RHOJ: variants seen among roughly 807,000 people sequenced by gnomAD.
RHOJ encodes ras homolog family member J.
In RHOJ, 11 loss-of-function variants were observed where a neutral mutation model predicts 23.4. That is an observed-to-expected ratio of 0.47 (90% CI 0.30 to 0.78). RHOJ has a LOEUF of 0.78. RHOJ is among the 30% of genes least tolerant of loss of function. The pLI is 0.08. For synonymous variants in RHOJ, 102 were observed against 102.7 expected (o/e 0.99, Z 0.04); for missense variants, 254 against 273.4 (o/e 0.93, Z 0.50).
chr14:63,219,385 T>C (rs1002195873), intron 1 of RHOJ, among the ~76,000 whole-genome samples: 1 of 152,210 alleles, frequency 6.6e-6, no homozygotes, highest in South Asian at 2.1e-4. Flanking sequence ...GAGGATTTAA[T>C]GCACTTTTTT....
chr14:63,289,383 T>C (rs1165640282), intron 4 of RHOJ, among the ~76,000 whole-genome samples: 1 of 152,190 alleles, frequency 6.6e-6, no homozygotes, highest in Non-Finnish European at 1.5e-5. Context: ...ACTTTATCAT[T>C]TACATAAGCT....
chr14:63,266,983 C>T (rs1270409647), intron 1 of RHOJ, among the ~76,000 whole-genome samples: 2 of 152,172 alleles, frequency 1.3e-5, no homozygotes, highest in East Asian at 3.8e-4. Flanking sequence ...CCTCACACTA[C>T]CCCTGACACA....
intron 1 of RHOJ, among the ~76,000 whole-genome samples, chr14:63,264,126 A>G (rs1895323699): frequency 1.3e-5 from 2 of 152,036 alleles, no homozygotes; most frequent in South Asian, 2.1e-4. Context: ...ATACCCAGGT[A>G]GTAAGCATAG....
chr14:63,275,860 G>GA (rs1014131461), intron 2 of RHOJ, among the ~76,000 whole-genome samples: 2 of 152,016 alleles, frequency 1.3e-5, no homozygotes, highest in Non-Finnish European at 2.9e-5. Flanking sequence ...GCTCCCTTGT[G>GA]AAAAAATATT....
chr14:63,250,719 T>C (rs1324786641), intron 1 of RHOJ, among the ~76,000 whole-genome samples: 2 of 152,164 alleles, frequency 1.3e-5, no homozygotes, highest in Non-Finnish European at 1.5e-5. Context: ...AAAGGGGTTG[T>C]CCCTGACCCC....
intron 1 of RHOJ, among the ~76,000 whole-genome samples, chr14:63,247,307 G>A (rs1380804511): frequency 6.6e-6 from 1 of 152,132 alleles, no homozygotes; most frequent in South Asian, 2.1e-4. Context: ...CACCTCCAGT[G>A]GTGTTTCCCT....
At chr14:63,250,429 G>A (rs949271444) in intron 1 of RHOJ, among the ~76,000 whole-genome samples, 1 of 152,016 alleles carries the variant, frequency 6.6e-6, no homozygotes, top group Non-Finnish European at 1.5e-5. Flanking sequence ...TGTAGAGATA[G>A]GGTTTTGCCA....
intron 4 of RHOJ, among the ~76,000 whole-genome samples, chr14:63,287,096 C>T (rs576162104): frequency 1.3e-5 from 2 of 152,352 alleles, no homozygotes; most frequent in Middle Eastern, 3.4e-3. Context: ...TCTCCATTTA[C>T]AGGACATGCC....
chr14:63,271,738 G>A (rs1198570384), intron 2 of RHOJ, among the ~76,000 whole-genome samples: 1 of 152,146 alleles, frequency 6.6e-6, no homozygotes, highest in Non-Finnish European at 1.5e-5. Context: ...GGGATTACAG[G>A]CACCTGCCAC....
chr14:63,260,244 A>G (rs1279695438), intron 1 of RHOJ, among the ~76,000 whole-genome samples: 2 of 152,228 alleles, frequency 1.3e-5, no homozygotes, highest in Non-Finnish European at 2.9e-5. Context: ...GAAAGCAAGT[A>G]TAGGTAGAGC....
chr14:63,264,035 A>G (rs1225082469), intron 1 of RHOJ, among the ~76,000 whole-genome samples: 1 of 151,254 alleles, frequency 6.6e-6, no homozygotes, highest in Non-Finnish European at 1.5e-5. Flanking sequence ...GTACATCTGT[A>G]GGTTTGTTCC....
intron 1 of RHOJ, among the ~76,000 whole-genome samples, chr14:63,250,603 TAC>T (rs1157682232): frequency 1.7e-4 from 26 of 151,750 alleles, no homozygotes. Context: ...TGTCCCCCCA[TAC>T]ACACACACAC....
chr14:63,211,692 A>T (rs1306093199), intron 1 of RHOJ, among the ~76,000 whole-genome samples: 1 of 152,220 alleles, frequency 6.6e-6, no homozygotes, highest in Non-Finnish European at 1.5e-5. Context: ...CTGTTGTGCT[A>T]CTGAATACTA....
At chr14:63,213,094 A>G (rs552086118) in intron 1 of RHOJ, among the ~76,000 whole-genome samples, 5 of 152,360 alleles carry the variant, frequency 3.3e-5, no homozygotes, top group Admixed American at 6.5e-5. Flanking sequence ...GCTAAAATAT[A>G]TAAGGGTTCA....
chr14:63,232,868 T>C (rs1020534444), intron 1 of RHOJ, among the ~76,000 whole-genome samples: 1 of 152,006 alleles, frequency 6.6e-6, no homozygotes, highest in Non-Finnish European at 1.5e-5. Flanking sequence ...GGCTAATTTT[T>C]GTGTTTTTGC....
intron 4 of RHOJ, among the ~76,000 whole-genome samples, 179 bp from the exon 5 acceptor site, chr14:63,290,699 T>A (rs879905776): frequency 1.3e-3 from 124 of 92,694 alleles, no homozygotes; most frequent in Middle Eastern, 5.6e-3. Flanking sequence ...AAAAAAAAAA[T>A]AGGATAGCAG....
At chr14:63,264,212 G>T (rs28550722) in intron 1 of RHOJ, among the ~76,000 whole-genome samples, 1 of 151,738 alleles carries the variant, frequency 6.6e-6, no homozygotes, top group Non-Finnish European at 1.5e-5. Flanking sequence ...GTCTATTGTC[G>T]CCATCTTTGT....
Position 63,271,596 on chromosome 14 carries a change from T to A in RHOJ, c.237+2428T>A, listed in dbSNP as rs2139656956. On this transcript the variant is annotated intron_variant, in intron 2 of 4. Transcript: ENST00000316754. ...AATTTGCATTTCTTTTATTTTATTT[T>A]ATTTTTTATTTTTTTGAGACAGGGT... Among the ~76,000 whole-genome samples the A allele has an allele frequency of 1.3e-5, 2 of 152,306 alleles. 1 individual carries two copies. The highest frequency in any genetic ancestry group is 4.1e-4 in the South Asian group (2 of 4,822).
chr14:63,221,591 A>G (rs1428441813), intron 1 of RHOJ, among the ~76,000 whole-genome samples: 1 of 152,204 alleles, frequency 6.6e-6, no homozygotes, highest in Admixed American at 6.5e-5. Context: ...AGTGATGAGA[A>G]CTGTGTTACG....
Sources: allele counts gnomAD v4.1 joint callset (sites outside exome capture counted in the v4.1 genomes callset), GRCh38; gene constraint gnomAD v4.1.1; transcripts MANE v1.5; gene names NCBI Gene and HGNC (gene_info 2026-07-23, HGNC 2026-07-21).